Variants in HSPA1L observed in about 807,000 individuals in gnomAD.
HSPA1L encodes heat shock 70 kDa protein 1-like.
In HSPA1L, 21 loss-of-function variants were observed where a neutral mutation model predicts 31.5. The ratio of observed to expected loss-of-function variants is 0.67; its 90% CI spans 0.47 to 0.96. HSPA1L has a LOEUF of 0.96. Ranked by LOEUF, HSPA1L falls within the 40% of genes least tolerant of loss-of-function variation. HSPA1L has a pLI of 0.00. For synonymous variants in HSPA1L, 293 were observed against 323.1 expected, an observed-to-expected ratio of 0.91 and a Z score of 1.00; for missense variants, 709 against 813.4, an observed-to-expected ratio of 0.87 and a Z score of 1.56.
rs554479408 is a variant in HSPA1L, at chr6:31,810,239, C to A, written c.1734G>T (p.Glu578Asp). ...GATTGACCTCCAGCCACGAAAGGAG[C>A]TCGTTGCATTTATCCAATATTTTAT... is the stretch of plus-strand genomic sequence containing the variant. The part of the protein sequence containing the change: ...DKNKILDKCN[E>D]LLSWLEVNQL... Residue 578 changes from glutamate to aspartate, a missense_variant, in exon 2 of 2, where the codon GAG (glutamate) becomes GAT (aspartate). Transcript: ENST00000375654. 1 of 1,525,380 alleles carries A rather than the reference C, an allele frequency of 6.6e-7. No homozygotes were observed. The highest frequency in any genetic ancestry group is 2.2e-5 in the Admixed American group (1 of 44,702). The allele number at this position is 1,525,380 out of a possible 1,614,324, so 94.5% of individuals were successfully genotyped here.
chr6:31,811,594 T>C lies in HSPA1L; in HGVS notation c.379A>G (p.Thr127Ala). ...YPEEISSMVLTKLKETAEAFL... is the reference protein window; with the variant it reads ...YPEEISSMVLAKLKETAEAFL... ...GCCTCAGCAGTCTCCTTCAACTTAG[T>C]CAATACCATCGAAGAGATTTCCTCA... Residue 127 changes from threonine (T) to alanine (A), a missense_variant, in exon 2 of 2, where the codon ACT (threonine) becomes GCT (alanine). By Grantham distance (58) the Thr-to-Ala change is moderately conservative. Transcript: ENST00000375654. The C allele has an allele frequency of 6.2e-7, 1 of 1,614,154 alleles. No individual in the cohort carries two copies.
Position 31,814,807 on chromosome 6 carries a change from T to C in HSPA1L, c.-14+82A>G, listed in dbSNP as rs1815759575. 3.9e-6 allele frequency: 3 copies of C among 761,550 alleles called. No homozygotes were observed. The South Asian group carries it at 1.8e-4, about 45-fold the overall frequency. 47.2% of individuals were successfully genotyped at this position (761,550 alleles called of 1,614,324 possible). A position where few individuals can be genotyped will look rare whatever the true frequency, so the allele number is the denominator to read the frequency against. On this transcript the variant is annotated intron_variant, in intron 1 of 1. Transcript: ENST00000375654. ...CCACATACCTCAGGCTTAAACCAAC[T>C]AGGGAACTTTCCAGTACTTTCCCAA...
chr6:31,810,770 CA>C lies in HSPA1L; in HGVS notation c.1202del (p.Leu401ArgfsTer11). ...CCCCAGCCGTCTCCAGCCCCAGGGA[CA>C]GGGGAGCCACGTCCAGCAGCAGCAG... ...QDLLLLDVAP[L>X]SLGLETAGGV... On this transcript the variant is annotated frameshift_variant, in exon 2 of 2. Transcript: ENST00000375654. LOFTEE classifies it high-confidence loss of function. The C allele has an allele frequency of 6.2e-7, 1 of 1,614,130 alleles. No homozygotes were observed. Among genetic ancestry groups the C allele is most frequent in the Admixed American group, 1.7e-5 (1 of 60,008 alleles).
In HSPA1L at chr6:31,810,392, A is replaced by G. The variant is rs1271631196; in HGVS notation, c.1581T>C (p.Tyr527=). 6 of 1,612,180 alleles carry G rather than the reference A, an allele frequency of 3.7e-6. No individual in the cohort carries two copies. Among genetic ancestry groups the G allele is most frequent in the Non-Finnish European group, 4.2e-6 (5 of 1,179,286 alleles). ...CCCTCTGGACCTCATCTTCAGCTTTATATTTCTCAGCATCCAGAACCATGC... is the reference window on the plus strand; with the variant it reads ...CCCTCTGGACCTCATCTTCAGCTTTGTATTTCTCAGCATCCAGAACCATGC... ...IERMVLDAEK[Y]KAEDEVQREK... The change falls in exon 2 of 2, where the codon TAT becomes TAC. Residue 527 remains tyrosine, a synonymous_variant. Transcript: ENST00000375654.
At chr6:31,812,088 G>A in intron 1 of HSPA1L, 103 bp from the exon 2 acceptor site, 2 of 1,400,682 alleles carry the variant, frequency 1.4e-6, no homozygotes, top group Non-Finnish European at 1.9e-6. Context: ...GAGTGCAGAG[G>A]CGCAGTCATA....
intron 1 of HSPA1L, among the ~76,000 whole-genome samples, chr6:31,813,721 C>A (rs1815609578): frequency 1.3e-5 from 2 of 152,194 alleles, no homozygotes; most frequent in South Asian, 4.1e-4. Context: ...TCATGGCAGA[C>A]TGCTTTTTGG....
chr6:31,814,957 G>A lies in HSPA1L; in HGVS notation c.-82C>T. 1 of 985,610 alleles carries A rather than the reference G, an allele frequency of 1.0e-6. No individual in the cohort carries two copies. The highest frequency in any genetic ancestry group is 1.1e-4 in the East Asian group (1 of 8,812). The allele number at this position is 985,610 out of a possible 1,614,324, so 61.1% of individuals were successfully genotyped here. On this transcript the variant is annotated 5_prime_UTR_variant, in exon 1 of 2. Coordinates refer to ENST00000375654, the MANE Select transcript of HSPA1L (RefSeq NM_005527.4). ...TACGCAGCCCCAGCGAGTAGGTGGG[G>A]GCTCCCTCAATATCAAACTGCACAA... is the stretch of plus-strand genomic sequence containing the variant.
chr6:31,811,310 T>C lies in HSPA1L; in HGVS notation c.663A>G (p.Val221=). The change falls in exon 2 of 2, where the codon GTA becomes GTG. Residue 221 remains valine, a synonymous_variant. Coordinates refer to ENST00000375654, the MANE Select transcript of HSPA1L (RefSeq NM_005527.4). ...ILTIDDGIFE[V]KATAGDTHLG... ...GGTGAGTGTCCCCAGCAGTGGCCTT[T>C]ACCTCAAAAATCCCATCATCTATGG... 6.2e-7 allele frequency: 1 copy of C among 1,614,186 alleles called. No homozygotes were observed. Among genetic ancestry groups the C allele is most frequent in the Non-Finnish European group, 8.5e-7 (1 of 1,180,042 alleles).
chr6:31,812,726 A>G (rs968677126), intron 1 of HSPA1L, among the ~76,000 whole-genome samples: 1 of 152,184 alleles, frequency 6.6e-6, no homozygotes, highest in Admixed American at 6.5e-5. Context: ...GTGTTCAACC[A>G]ATTTCCAGAA....
chr6:31,814,727 T>C (rs921968075), intron 1 of HSPA1L, among the ~76,000 whole-genome samples, 162 bp downstream of exon 1: 1 of 141,278 alleles, frequency 7.1e-6, no homozygotes, highest in Non-Finnish European at 1.5e-5. Flanking sequence ...GACCAATCAA[T>C]CTGAAGCCAT....
chr6:31,812,097 T>C (rs1815467965), intron 1 of HSPA1L, 112 bp from the exon 2 acceptor site: 2 of 1,307,510 alleles, frequency 1.5e-6, no homozygotes, highest in African/African-American at 1.5e-5. Context: ...GGCGCAGTCA[T>C]AGCTCACTGC....
rs1385589986 is a variant in HSPA1L at position 31,815,270 on chromosome 6, C to T, written c.-395G>A. Among the ~76,000 whole-genome samples, 1 of 152,182 alleles carries T rather than the reference C, an allele frequency of 6.6e-6. No individual in the cohort carries two copies. Among genetic ancestry groups the T allele is most frequent in the Non-Finnish European group, 1.5e-5 (1 of 68,032 alleles). On this transcript the variant is annotated 5_prime_UTR_variant, in exon 1 of 2. Coordinates refer to ENST00000375654, the MANE Select transcript of HSPA1L (RefSeq NM_005527.4). Reference sequence around the variant, plus strand: ...GCTGAAGCGCAGGCGGTCAGCATCGCCATGGAGACCAACACCCTTCCCACC... The same window carrying T: ...GCTGAAGCGCAGGCGGTCAGCATCGTCATGGAGACCAACACCCTTCCCACC...
intron 1 of HSPA1L, among the ~76,000 whole-genome samples, chr6:31,812,769 C>T (rs1459865117): frequency 6.6e-6 from 1 of 152,160 alleles, no homozygotes; most frequent in Non-Finnish European, 1.5e-5. Context: ...AAACTGTATA[C>T]TCATTAAGTA....
In HSPA1L at chr6:31,811,066, G is replaced by A. The variant is rs1815376213; in HGVS notation, c.907C>T (p.Arg303Ter). 6 of 1,614,088 alleles carry A rather than the reference G, an allele frequency of 3.7e-6. No individual in the cohort carries two copies. Among genetic ancestry groups the A allele is most frequent in the South Asian group, 1.1e-5 (1 of 91,072 alleles). Residue 303 changes from arginine to a stop codon, truncating the protein, a stop_gained, in exon 2 of 2, where the codon CGA becomes TGA. Transcript: ENST00000375654. LOFTEE classifies it high-confidence loss of function. ...IDFYTSITRARFEELCADLFR... is the reference protein window; with the variant it reads ...IDFYTSITRA ...AGGTCTGCACACAACTCTTCAAATC[G>A]AGCTCTGGTGATGGATGTATAGAAG...
chr6:31,811,650 G>C lies in HSPA1L; in HGVS notation c.323C>G (p.Ser108Cys). The change falls in exon 2 of 2, where the codon TCC (serine) becomes TGC (cysteine). Residue 108 changes from serine to cysteine, a missense_variant. Coordinates refer to ENST00000375654, the MANE Select transcript of HSPA1L (RefSeq NM_005527.4). The part of the protein sequence containing the change: ...NEGGKPKVLV[S>C]YKGENKAFYP... Reference sequence around the variant, plus strand: ...GAAAGCTTTATTCTCCCCTTTGTAGGACACAAGGACTTTGGGCTTGCCTCC... The same window carrying C: ...GAAAGCTTTATTCTCCCCTTTGTAGCACACAAGGACTTTGGGCTTGCCTCC... 2 of 1,614,172 alleles carry C rather than the reference G, an allele frequency of 1.2e-6. No homozygotes were observed. The highest frequency in any genetic ancestry group is 1.7e-6 in the Non-Finnish European group (2 of 1,180,030).
At chr6:31,813,133 A>C (rs1378197870) in intron 1 of HSPA1L, among the ~76,000 whole-genome samples, 1 of 152,130 alleles carries the variant, frequency 6.6e-6, no homozygotes, top group African/African-American at 2.4e-5. Context: ...TCTTTTTTCT[A>C]TCTCTATGAA....
rs200473530 is a variant in HSPA1L, at chr6:31,811,532, G to A, written c.441C>T (p.Thr147=). ...GAGAGTCATTGAAATAGGCTGGCAC[G>A]GTAATCACTGCATTGGTGACAGGGT... ...LGHPVTNAVI[T]VPAYFNDSQR... is the part of the protein sequence containing the mutation. The change falls in exon 2 of 2, where the codon ACC becomes ACT. Residue 147 remains threonine (T), a synonymous_variant. Coordinates refer to ENST00000375654, the MANE Select transcript of HSPA1L (RefSeq NM_005527.4). 9.6e-5 allele frequency: 155 copies of A among 1,614,170 alleles called. No individual in the cohort carries two copies. In the East Asian group the frequency reaches 3.0e-3, roughly 32 times the overall value.
In HSPA1L at chr6:31,809,691, C is replaced by T. The variant is rs1445347057; in HGVS notation, c.*356G>A. On this transcript the variant is annotated 3_prime_UTR_variant, in exon 2 of 2. Coordinates refer to ENST00000375654, the MANE Select transcript of HSPA1L (RefSeq NM_005527.4). Reference sequence around the variant, plus strand: ...AGAACACATGCTCTCTCCATGAACTCTCCCCTTCAAGGTACATTCACAGCC... The same window carrying T: ...AGAACACATGCTCTCTCCATGAACTTTCCCCTTCAAGGTACATTCACAGCC... 2 of 250,418 alleles carry T rather than the reference C, an allele frequency of 8.0e-6. No homozygotes were observed. The highest frequency in any genetic ancestry group is 7.5e-6 in the Non-Finnish European group (1 of 133,040). 15.5% of individuals were successfully genotyped at this position (250,418 alleles called of 1,614,324 possible). A position where few individuals can be genotyped will look rare whatever the true frequency, so the allele number is the denominator to read the frequency against.
intron 1 of HSPA1L, among the ~76,000 whole-genome samples, chr6:31,813,066 TC>T (rs1173189132): frequency 6.6e-6 from 1 of 152,136 alleles, no homozygotes; most frequent in East Asian, 1.9e-4. Context: ...GGAAACCTCC[TC>T]CCACCTCCAA....
Sources: allele counts gnomAD v4.1 joint callset (sites outside exome capture counted in the v4.1 genomes callset), GRCh38; gene constraint gnomAD v4.1.1; transcripts MANE v1.5; gene names NCBI Gene and HGNC (gene_info 2026-07-23, HGNC 2026-07-21).